Variants in PURB observed in about 807,000 individuals in gnomAD.
PURB encodes the protein transcriptional regulator protein Pur-beta.
A neutral mutation model predicts 21.1 loss-of-function variants in PURB; 11 were observed. The observed-to-expected ratio is 0.52, with a 90% CI of 0.33 to 0.86. The LOEUF (loss-of-function observed/expected upper bound fraction) is 0.86. Ranked by LOEUF, PURB falls within the 40% of genes least tolerant of loss-of-function variation. PURB has a pLI of 0.02. For missense variants in PURB, 357 were observed against 456.5 expected, an observed-to-expected ratio of 0.78 and a Z score of 1.99; for synonymous variants, 246 against 210.8, an observed-to-expected ratio of 1.17 and a Z score of -1.45.
chr7:44,885,441 G>C lies in PURB; in HGVS notation c.-93C>G, dbSNP rs1442345110. 1 of 318,164 alleles carries C rather than the reference G, an allele frequency of 3.1e-6. No homozygotes were observed. The highest frequency in any genetic ancestry group is 2.3e-5 in the African/African-American group (1 of 43,682). The allele number at this position is 318,164 out of a possible 1,614,324, so 19.7% of individuals were successfully genotyped here. ...GGGGCCCCCCAGCCTCGCCCGCCCG[G>C]CTCGCTCACGCGCTCCCGCCGCTCA... On this transcript the variant is annotated 5_prime_UTR_variant, in exon 1 of 1. Transcript: ENST00000395699.
In PURB at chr7:44,880,822, T is replaced by C. The variant is rs183929755; in HGVS notation, c.*3588A>G. On this transcript the variant is annotated 3_prime_UTR_variant, in exon 1 of 1. Transcript: ENST00000395699. ...CAGTAAATAATTATGGAAAGTGATG[T>C]GACAAGTAGCCATGTGTGTATCACA... The C allele has an allele frequency of 1.3e-5, 2 of 152,806 alleles. No individual in the cohort carries two copies. Among genetic ancestry groups the C allele is most frequent in the Admixed American group, 6.5e-5 (1 of 15,302 alleles). The allele number at this position is 152,806 out of a possible 1,614,324, so 9.5% of individuals were successfully genotyped here.
chr7:44,885,357 CCGCCGCCT>C lies in PURB; in HGVS notation c.-17_-10del, dbSNP rs1437167618. On this transcript the variant is annotated 5_prime_UTR_variant, in exon 1 of 1. Coordinates refer to ENST00000395699, the MANE Select transcript of PURB (RefSeq NM_033224.5). ...CTGTCGCCGTCCGCCATCTTCTAGG[CCGCCGCCT>C]CGCCGCCACCGCCCGCCGCGCTCGC... 1 of 1,159,176 alleles carries C rather than the reference CCGCCGCCT, an allele frequency of 8.6e-7. No individual in the cohort carries two copies. The highest frequency in any genetic ancestry group is 1.1e-6 in the Non-Finnish European group (1 of 930,250). The allele number at this position is 1,159,176 out of a possible 1,614,324, so 71.8% of individuals were successfully genotyped here. A position where few individuals can be genotyped will look rare whatever the true frequency, so the allele number is the denominator to read the frequency against.
At position 44,882,353 on chromosome 7, in the gene PURB, T is replaced by C. The variant is rs143309627; in HGVS notation, c.*2057A>G. 3.3e-5 allele frequency: 5 copies of C among 152,718 alleles called. No homozygotes were observed. In the East Asian group the frequency reaches 9.6e-4, roughly 29 times the overall value. The allele number at this position is 152,718 out of a possible 1,614,324, so 9.5% of individuals were successfully genotyped here. A position where few individuals can be genotyped will look rare whatever the true frequency, so the allele number is the denominator to read the frequency against. ...CCCATACAATTTAGGAAACATTCTTTGCAACGGAGAAAAATTTAAAAGAAA... is the reference window on the plus strand; with the variant it reads ...CCCATACAATTTAGGAAACATTCTTCGCAACGGAGAAAAATTTAAAAGAAA... On this transcript the variant is annotated 3_prime_UTR_variant, in exon 1 of 1. Transcript: ENST00000395699.
At position 44,882,210 on chromosome 7, in the gene PURB, TAGAC is replaced by T. The variant is rs1167922455; in HGVS notation, c.*2196_*2199del. On this transcript the variant is annotated 3_prime_UTR_variant, in exon 1 of 1. Transcript: ENST00000395699. ...GAATTTGTTCTCCGCAGCAAAGAAA[TAGAC>T]ACTCAAAACACGTAGGTAAATACAG... 1 of 152,584 alleles carries T rather than the reference TAGAC, an allele frequency of 6.6e-6. No homozygotes were observed. The highest frequency in any genetic ancestry group is 1.5e-5 in the Non-Finnish European group (1 of 68,032). The allele number at this position is 152,584 out of a possible 1,614,324, so 9.5% of individuals were successfully genotyped here. A position where few individuals can be genotyped will look rare whatever the true frequency, so the allele number is the denominator to read the frequency against.
In PURB at chr7:44,884,363, C is replaced by T. The variant is rs1204591399; in HGVS notation, c.*47G>A. On this transcript the variant is annotated 3_prime_UTR_variant, in exon 1 of 1. Transcript: ENST00000395699. ...TGAGCAGGAAAGGGAATTCTCTAGCCAAGGGGATGGTGGTTGGGTGGAGGC... is the reference window on the plus strand; with the variant it reads ...TGAGCAGGAAAGGGAATTCTCTAGCTAAGGGGATGGTGGTTGGGTGGAGGC... The T allele has an allele frequency of 3.1e-6, 5 of 1,589,642 alleles. No homozygotes were observed.
chr7:44,881,231 TAAAAAA>T lies in PURB; in HGVS notation c.*3173_*3178del, dbSNP rs939812809. On this transcript the variant is annotated 3_prime_UTR_variant, in exon 1 of 1. Transcript: ENST00000395699. ...GATTAGCTGGGATGTTTGCCAAGCT[TAAAAAA>T]AAAGGCTCAAAATCATTCATAGCAA... is the stretch of plus-strand genomic sequence containing the variant. The T allele has an allele frequency of 6.6e-6, 1 of 150,856 alleles. No individual in the cohort carries two copies. The highest frequency in any genetic ancestry group is 1.5e-5 in the Non-Finnish European group (1 of 67,672). 9.3% of individuals were successfully genotyped at this position (150,856 alleles called of 1,614,324 possible). A position where few individuals can be genotyped will look rare whatever the true frequency, so the allele number is the denominator to read the frequency against.
chr7:44,882,782 AC>A lies in PURB; in HGVS notation c.*1627del, dbSNP rs1793896664. Reference sequence around the variant, plus strand: ...GTTGAGAAGGTGTCACACAAAGAATACCTGAAAACTTTGGAAAGAACGTTAG... The same window carrying A: ...GTTGAGAAGGTGTCACACAAAGAATACTGAAAACTTTGGAAAGAACGTTAG... On this transcript the variant is annotated 3_prime_UTR_variant, in exon 1 of 1. Transcript: ENST00000395699. The A allele has an allele frequency of 6.6e-6, 1 of 152,218 alleles. No individual in the cohort carries two copies. The highest frequency in any genetic ancestry group is 1.5e-5 in the Non-Finnish European group (1 of 68,038). The allele number at this position is 152,218 out of a possible 1,614,324, so 9.4% of individuals were successfully genotyped here.
rs1713382586 is a variant in PURB, at chr7:44,885,248, A to T, written c.101T>A (p.Leu34Gln). 1 of 1,562,104 alleles carries T rather than the reference A, an allele frequency of 6.4e-7. No homozygotes were observed. Among genetic ancestry groups the T allele is most frequent in the Non-Finnish European group, 8.6e-7 (1 of 1,161,888 alleles). The change falls in exon 1 of 1, where the codon CTG (leucine) becomes CAG (glutamine). Residue 34 changes from leucine (L) to glutamine (Q), a missense_variant. Leu to Gln is a moderately radical substitution (Grantham distance 113). Transcript: ENST00000395699. ...CTGGATGTCCAGCCGCTTCGAGGCC[A>T]GCTCCTGCGTCTCTTGCTCGCCGCC... The part of the protein sequence containing the change: ...RGGGEQETQE[L>Q]ASKRLDIQNK...
At position 44,881,779 on chromosome 7, in the gene PURB, T is replaced by A. The variant is rs765148559; in HGVS notation, c.*2631A>T. On this transcript the variant is annotated 3_prime_UTR_variant, in exon 1 of 1. Coordinates refer to ENST00000395699, the MANE Select transcript of PURB (RefSeq NM_033224.5). ...TAGTGTTCTTGGCATATACTCTATA[T>A]GCCTCAGACCACTTCCACATTCTTT... The A allele has an allele frequency of 1.9e-5, 3 of 154,774 alleles. No homozygotes were observed. The highest frequency in any genetic ancestry group is 4.4e-5 in the Non-Finnish European group (3 of 68,204). The allele number at this position is 154,774 out of a possible 1,614,324, so 9.6% of individuals were successfully genotyped here.
rs1171919555 is a variant in PURB, at chr7:44,878,612, AAT to A, written c.*5796_*5797del. ...TAGATTTTCAAATTAAATGACTGTGAATAGAGGTGATTACACTGATGGCATAT... is the reference window on the plus strand; with the variant it reads ...TAGATTTTCAAATTAAATGACTGTGAAGAGGTGATTACACTGATGGCATAT... On this transcript the variant is annotated 3_prime_UTR_variant, in exon 1 of 1. Coordinates refer to ENST00000395699, the MANE Select transcript of PURB (RefSeq NM_033224.5). 4 of 152,666 alleles carry A rather than the reference AAT, an allele frequency of 2.6e-5. No homozygotes were observed. Among genetic ancestry groups the A allele is most frequent in the Non-Finnish European group, 4.4e-5 (3 of 68,042 alleles). The allele number at this position is 152,666 out of a possible 1,614,324, so 9.5% of individuals were successfully genotyped here. A position where few individuals can be genotyped will look rare whatever the true frequency, so the allele number is the denominator to read the frequency against.
rs1341657904 is a variant in PURB, at chr7:44,880,737, G to A, written c.*3673C>T. 2 of 152,616 alleles carry A rather than the reference G, an allele frequency of 1.3e-5. No homozygotes were observed. The highest frequency in any genetic ancestry group is 2.9e-5 in the Non-Finnish European group (2 of 68,030). The allele number at this position is 152,616 out of a possible 1,614,324, so 9.5% of individuals were successfully genotyped here. Reference sequence around the variant, plus strand: ...GCAATTTACTGCAAAGTAATCCAGAGGTAACAAAGGAAGCAGGAGGTTAAC... The same window carrying A: ...GCAATTTACTGCAAAGTAATCCAGAAGTAACAAAGGAAGCAGGAGGTTAAC... On this transcript the variant is annotated 3_prime_UTR_variant, in exon 1 of 1. Coordinates refer to ENST00000395699, the MANE Select transcript of PURB (RefSeq NM_033224.5).
Position 44,878,808 on chromosome 7 carries a change from G to A in PURB, c.*5602C>T, listed in dbSNP as rs906312215. On this transcript the variant is annotated 3_prime_UTR_variant, in exon 1 of 1. Coordinates refer to ENST00000395699, the MANE Select transcript of PURB (RefSeq NM_033224.5). Reference sequence around the variant, plus strand: ...GTACTGATAATTGGACAATTTTCAAGTAAGAGTCTGTTAAATCCGTCAGTA... The same window carrying A: ...GTACTGATAATTGGACAATTTTCAAATAAGAGTCTGTTAAATCCGTCAGTA... 6.6e-6 allele frequency: 1 copy of A among 152,374 alleles called. No individual in the cohort carries two copies. Among genetic ancestry groups the A allele is most frequent in the African/African-American group, 2.4e-5 (1 of 41,406 alleles). 9.4% of individuals were successfully genotyped at this position (152,374 alleles called of 1,614,324 possible).
chr7:44,884,638 G>T lies in PURB; in HGVS notation c.711C>A (p.Gly237=), dbSNP rs541906267. The T allele has an allele frequency of 6.2e-7, 1 of 1,614,230 alleles. No individual in the cohort carries two copies. The highest frequency in any genetic ancestry group is 1.7e-5 in the Admixed American group (1 of 60,026). ...VDSKRFFFDV[G]CNKYGVFLRV... is the part of the protein sequence containing the mutation. ...GCAGAAACACCCCGTATTTGTTGCA[G>T]CCCACATCGAAGAAGAAGCGCTTGG... Residue 237 remains glycine (G), a synonymous_variant, in exon 1 of 1, where the codon GGC becomes GGA. Transcript: ENST00000395699.
In PURB at chr7:44,884,998, G is replaced by C. The variant is rs528787210; in HGVS notation, c.351C>G (p.Arg117=). ...AGAEEGGGPR[R]ALKSEFLVRE... Reference sequence around the variant, plus strand: ...GCACCAAGAATTCGCTCTTGAGCGCGCGCCGCGGCCCGCCGCCCTCCTCGG... The same window carrying C: ...GCACCAAGAATTCGCTCTTGAGCGCCCGCCGCGGCCCGCCGCCCTCCTCGG... Residue 117 remains arginine, a synonymous_variant, in exon 1 of 1, where the codon CGC becomes CGG. Coordinates refer to ENST00000395699, the MANE Select transcript of PURB (RefSeq NM_033224.5). 1.8e-5 allele frequency: 28 copies of C among 1,545,894 alleles called. No homozygotes were observed. The East Asian group carries it at 3.7e-4, about 20-fold the overall frequency.
Position 44,884,878 on chromosome 7 carries a change from G to A in PURB, c.471C>T (p.Phe157=). The A allele has an allele frequency of 6.4e-7, 1 of 1,558,094 alleles. No individual in the cohort carries two copies. Among genetic ancestry groups the A allele is most frequent in the Non-Finnish European group, 8.7e-7 (1 of 1,154,644 alleles). ...RQTVNRGGGG[F]GAGPGPGGLQ... The stretch of plus-strand genomic sequence containing the variant: ...AGCCGCCCGGCCCGGGGCCCGCGCC[G>A]AAGCCGCCACCGCCGCGGTTGACCG... Residue 157 remains phenylalanine, a synonymous_variant, in exon 1 of 1, where the codon TTC becomes TTT. Transcript: ENST00000395699.
rs905042256 is a variant in PURB, at chr7:44,880,526, C to T, written c.*3884G>A. The T allele has an allele frequency of 2.0e-5, 3 of 152,642 alleles. No individual in the cohort carries two copies. The highest frequency in any genetic ancestry group is 7.2e-5 in the African/African-American group (3 of 41,436). 9.5% of individuals were successfully genotyped at this position (152,642 alleles called of 1,614,324 possible). A position where few individuals can be genotyped will look rare whatever the true frequency, so the allele number is the denominator to read the frequency against. ...CATTCTACACCCCTGTAAAGCCAGT[C>T]AAGGTCACATTTAACAAAGCATCTT... On this transcript the variant is annotated 3_prime_UTR_variant, in exon 1 of 1. Coordinates refer to ENST00000395699, the MANE Select transcript of PURB (RefSeq NM_033224.5).
rs182286165 is a variant in PURB at position 44,878,832 on chromosome 7, T to C, written c.*5578A>G. The C allele has an allele frequency of 2.2e-4, 33 of 152,522 alleles. No homozygotes were observed. The highest frequency in any genetic ancestry group is 1.6e-3 in the Admixed American group (25 of 15,294). The allele number at this position is 152,522 out of a possible 1,614,324, so 9.4% of individuals were successfully genotyped here. ...AGTAAGAGTCTGTTAAATCCGTCAG[T>C]AATAAAACTGAGTTTTAAGACTGAG... is the stretch of plus-strand genomic sequence containing the variant. On this transcript the variant is annotated 3_prime_UTR_variant, in exon 1 of 1. Transcript: ENST00000395699.
In PURB at chr7:44,877,107, C is replaced by A. The variant is rs1177028001; in HGVS notation, c.*7303G>T. The A allele has an allele frequency of 6.6e-6, 1 of 152,628 alleles. No homozygotes were observed. Among genetic ancestry groups the A allele is most frequent in the African/African-American group, 2.4e-5 (1 of 41,464 alleles). The allele number at this position is 152,628 out of a possible 1,614,324, so 9.5% of individuals were successfully genotyped here. On this transcript the variant is annotated 3_prime_UTR_variant, in exon 1 of 1. Coordinates refer to ENST00000395699, the MANE Select transcript of PURB (RefSeq NM_033224.5). ...TGGTTTTAATTCATTCAAATTATTT[C>A]TGTAGATTCTCTACTGGCAGGACAT... is the stretch of plus-strand genomic sequence containing the variant.
chr7:44,884,650 G>C lies in PURB; in HGVS notation c.699C>G (p.Phe233Leu). 6.2e-7 allele frequency: 1 copy of C among 1,614,214 alleles called. No individual in the cohort carries two copies. Among genetic ancestry groups the C allele is most frequent in the Non-Finnish European group, 8.5e-7 (1 of 1,180,044 alleles). The change falls in exon 1 of 1, where the codon TTC (phenylalanine) becomes TTG (leucine). Residue 233 changes from phenylalanine to leucine, a missense_variant. By Grantham distance (22) the Phe-to-Leu change is conservative. Transcript: ENST00000395699. The part of the protein sequence containing the change: ...TSITVDSKRF[F>L]FDVGCNKYGV... ...CGTATTTGTTGCAGCCCACATCGAAGAAGAAGCGCTTGGAGTCCACGGTGA... is the reference window on the plus strand; with the variant it reads ...CGTATTTGTTGCAGCCCACATCGAACAAGAAGCGCTTGGAGTCCACGGTGA...
Sources: gnomAD v4.1 joint callset for allele counts on GRCh38, gnomAD v4.1.1 for gene constraint, MANE v1.5 for transcripts, NCBI Gene and HGNC (gene_info 2026-07-23, HGNC 2026-07-21) for gene names.